Variants in SACS observed in about 807,000 individuals in gnomAD.
SACS encodes the protein sacsin.
SACS carries 197 observed loss-of-function variants against 348.0 expected under a neutral mutation model. The observed-to-expected ratio is 0.57, with a 90% CI of 0.50 to 0.64. The LOEUF (loss-of-function observed/expected upper bound fraction) is 0.64, where lower values mean the gene tolerates loss of function less well. Among genes scored for constraint, SACS ranks in the 30% least tolerant of loss-of-function variants. The pLI is 0.00. For synonymous variants in SACS, 1,985 were observed against 1,910.6 expected, an observed-to-expected ratio of 1.04 and a Z score of -1.02; for missense variants, 4,999 against 5,360.8, an observed-to-expected ratio of 0.93 and a Z score of 2.11.
At chr13:23,392,768 G>C (rs547064327) in intron 2 of SACS, among the ~76,000 whole-genome samples, 24 of 152,268 alleles carry the variant, frequency 1.6e-4, no homozygotes, top group Admixed American at 6.5e-4. Flanking sequence ...TGAGAGTTTT[G>C]TTTCATTCGG....
chr13:23,339,155 C>T lies in SACS; in HGVS notation c.4721G>A (p.Ser1574Asn). 1 of 1,612,118 alleles carries T rather than the reference C, an allele frequency of 6.2e-7. No individual in the cohort carries two copies. Among genetic ancestry groups the T allele is most frequent in the East Asian group, 2.2e-5 (1 of 44,832 alleles). The change falls in exon 10 of 10, where the codon AGT (serine) becomes AAT (asparagine). Residue 1574 changes from serine to asparagine, a missense_variant. Ser to Asn is a conservative substitution (Grantham distance 46, BLOSUM62 1). This residue lies in a region of SACS where 3,156 missense variants were observed against 3,380.1 expected (regional missense o/e 0.93). Coordinates refer to ENST00000382292, the MANE Select transcript of SACS (RefSeq NM_014363.6). ...YHITDIPIIMSREFMIMFDPN... is the reference protein window; with the variant it reads ...YHITDIPIIMNREFMIMFDPN... ...ATCGAACATTATCATGAATTCCCGACTCATAATGATGGGAATGTCAGTGAT... is the reference window on the plus strand; with the variant it reads ...ATCGAACATTATCATGAATTCCCGATTCATAATGATGGGAATGTCAGTGAT...
In SACS at chr13:23,330,556, C is replaced by G. The variant is rs759847087; in HGVS notation, c.13320G>C (p.Ser4440=). The G allele has an allele frequency of 6.2e-7, 1 of 1,613,888 alleles. No individual in the cohort carries two copies. The highest frequency in any genetic ancestry group is 2.2e-5 in the East Asian group (1 of 44,900). The change falls in exon 10 of 10, where the codon TCG becomes TCC. Residue 4440 remains serine, a synonymous_variant. Coordinates refer to ENST00000382292, the MANE Select transcript of SACS (RefSeq NM_014363.6). ...TGCGTGCTTCCACTGGATTGCCAAC[C>G]GACTTGAAAGTGGGAGGAACAAAGA... The part of the protein sequence containing the change: ...QRFFVPPTFK[S]VGNPVEARRW...
At position 23,367,633 on chromosome 13, in the gene SACS, T is replaced by A. The variant is rs983528109; in HGVS notation, c.345+769A>T. Reference sequence around the variant, plus strand: ...TTTTGAGACGGAGTGTGGCTCCTGCTGCCCAGGCTGGAGTGCAGTGGCGCA... The same window carrying A: ...TTTTGAGACGGAGTGTGGCTCCTGCAGCCCAGGCTGGAGTGCAGTGGCGCA... On this transcript the variant is annotated intron_variant, in intron 5 of 9. Coordinates refer to ENST00000382292, the MANE Select transcript of SACS (RefSeq NM_014363.6). Among the ~76,000 whole-genome samples, 5 of 152,226 alleles carry A rather than the reference T, an allele frequency of 3.3e-5. No individual in the cohort carries two copies. In the South Asian group the frequency reaches 1.0e-3, roughly 31 times the overall value.
At chr13:23,393,760 ATTTT>A (rs749913468) in intron 2 of SACS, among the ~76,000 whole-genome samples, 1 of 150,374 alleles carries the variant, frequency 6.7e-6, no homozygotes, top group African/African-American at 2.4e-5. Context: ...TCTTTTTTTT[ATTTT>A]TTTTTATTTT....
In SACS at chr13:23,335,744, G is replaced by A. The variant is rs1213203489; in HGVS notation, c.8132C>T (p.Ser2711Leu). The A allele has an allele frequency of 6.8e-6, 11 of 1,613,868 alleles. No individual in the cohort carries two copies. Among genetic ancestry groups the A allele is most frequent in the South Asian group, 2.2e-5 (2 of 91,082 alleles). ...PLRNAEMAKV[S>L]EISSVPASDR... ...TGATGCTGGAACAGACGAAATTTCC[G>A]AAACTTTTGCCATTTCTGCATTACG... Residue 2711 changes from serine (S) to leucine (L), a missense_variant, in exon 10 of 10, where the codon TCG becomes TTG. By Grantham distance (145) the Ser-to-Leu change is moderately radical. Around this residue, in one of 6 missense-constraint regions of SACS, gnomAD observed 3,156 missense variants for 3,380.1 expected, o/e 0.93. Coordinates refer to ENST00000382292, the MANE Select transcript of SACS (RefSeq NM_014363.6). The surrounding 1 kb of genome is among the most constrained non-coding windows in gnomAD (Gnocchi z 4.7).
intron 9 of SACS, among the ~76,000 whole-genome samples, chr13:23,344,641 C>T (rs1010453348): frequency 5.3e-5 from 8 of 152,202 alleles, no homozygotes; most frequent in African/African-American, 1.9e-4. Flanking sequence ...TAAAGCACCT[C>T]TAATAGGATC....
At chr13:23,383,406 C>T (rs1566095644) in intron 2 of SACS, among the ~76,000 whole-genome samples, 4 of 152,230 alleles carry the variant, frequency 2.6e-5, no homozygotes, top group South Asian at 4.2e-4. Context: ...ATTGTATAAT[C>T]GAGTGTGACT....
chr13:23,329,140 G>T lies in SACS; in HGVS notation c.*996C>A. 3.0e-6 allele frequency: 1 copy of T among 330,466 alleles called. No homozygotes were observed. Among genetic ancestry groups the T allele is most frequent in the Non-Finnish European group, 5.4e-6 (1 of 184,932 alleles). 20.5% of individuals were successfully genotyped at this position (330,466 alleles called of 1,614,324 possible). A position where few individuals can be genotyped will look rare whatever the true frequency, so the allele number is the denominator to read the frequency against. ...TAAATGTCAGTTCTGATCATTCATG[G>T]GGAAATATAAGCCGATAATTATAAA... On this transcript the variant is annotated 3_prime_UTR_variant, in exon 10 of 10. Transcript: ENST00000382292.
In SACS at chr13:23,375,565, T is replaced by C. The variant is rs1186365030; in HGVS notation, c.21-296A>G. On this transcript the variant is annotated intron_variant, in intron 2 of 9. Transcript: ENST00000382292. Reference sequence around the variant, plus strand: ...GCAGGCGGGGGCGGGGACTGCGCGCTCCCGGCCCACTCCCGGCCCTGCAGG... The same window carrying C: ...GCAGGCGGGGGCGGGGACTGCGCGCCCCCGGCCCACTCCCGGCCCTGCAGG... 12 of 1,032,766 alleles carry C rather than the reference T, an allele frequency of 1.2e-5. No homozygotes were observed. In the East Asian group the frequency reaches 7.4e-4, roughly 63 times the overall value. 64.0% of individuals were successfully genotyped at this position (1,032,766 alleles called of 1,614,324 possible).
At chr13:23,386,049 T>G (rs1872280365) in intron 2 of SACS, among the ~76,000 whole-genome samples, 1 of 152,368 alleles carries the variant, frequency 6.6e-6, no homozygotes, top group Non-Finnish European at 1.5e-5. Context: ...GTTCCATTTA[T>G]AGAGCACATG....
chr13:23,413,081 G>A (rs188333615), intron 1 of SACS, among the ~76,000 whole-genome samples: 11 of 152,112 alleles, frequency 7.2e-5, no homozygotes, highest in Admixed American at 4.6e-4. Flanking sequence ...GGGTTCAATC[G>A]ATCCTCCAGC....
Position 23,341,558 on chromosome 13 carries a change from T to C in SACS, c.2318A>G (p.His773Arg). 1.2e-6 allele frequency: 2 copies of C among 1,614,070 alleles called. No individual in the cohort carries two copies. The highest frequency in any genetic ancestry group is 1.7e-6 in the Non-Finnish European group (2 of 1,180,000). Residue 773 changes from histidine (H) to arginine (R), a missense_variant, in exon 10 of 10, where the codon CAC becomes CGC. By Grantham distance (29) the His-to-Arg change is conservative. Around this residue, in one of 6 missense-constraint regions of SACS, gnomAD observed 3,156 missense variants for 3,380.1 expected, o/e 0.93. Transcript: ENST00000382292. ...CATCTTAAGCCATGAAACAGATGGG[T>C]GATTTCTGTTTTCATCAAATGGATA... is the stretch of plus-strand genomic sequence containing the variant. ...QWYPFDENRN[H>R]PSVSWLKMVW... is the part of the protein sequence containing the mutation.
intron 3 of SACS, among the ~76,000 whole-genome samples, chr13:23,371,705 T>C (rs1291556633): frequency 6.6e-6 from 1 of 152,154 alleles, no homozygotes; most frequent in Non-Finnish European, 1.5e-5. Flanking sequence ...CACAAACATA[T>C]ATGCACATAT....
chr13:23,373,782 C>A (rs1593159818), intron 3 of SACS: 1 of 119,020 alleles, frequency 8.4e-6, no homozygotes, highest in East Asian at 2.4e-4. Flanking sequence ...GGCGACAGAG[C>A]GAGACTCCGT....
chr13:23,407,162 A>G (rs2137948096), intron 2 of SACS, among the ~76,000 whole-genome samples: 1 of 152,310 alleles, frequency 6.6e-6, no homozygotes, highest in Non-Finnish European at 1.5e-5. Flanking sequence ...AACTGAGTTT[A>G]CAGTCTGCTC....
intron 2 of SACS, among the ~76,000 whole-genome samples, chr13:23,402,367 A>G (rs9510721): frequency 0.091 from 13,824 of 152,232 alleles, 677 homozygotes; most frequent in East Asian, 0.13. Flanking sequence ...TAAGCTATCT[A>G]TAACAGTTAA....
In SACS at chr13:23,355,262, T is replaced by C; in HGVS notation, c.1350A>G (p.Leu450=). Residue 450 remains leucine, a synonymous_variant, in exon 8 of 10, where the codon TTA becomes TTG. Coordinates refer to ENST00000382292, the MANE Select transcript of SACS (RefSeq NM_014363.6). ...CTGTGCTGCTTTCCTCACCAGGTGG[T>C]AAAGGAAGGAAACAAAATGCTTTTC... ...FSGKAFCFLP[L]PPGEESSTGL... 6.2e-7 allele frequency: 1 copy of C among 1,614,182 alleles called. No individual in the cohort carries two copies. Among genetic ancestry groups the C allele is most frequent in the Non-Finnish European group, 8.5e-7 (1 of 1,180,036 alleles).
At chr13:23,402,397 C>A (rs1173657578) in intron 2 of SACS, among the ~76,000 whole-genome samples, 2 of 152,190 alleles carry the variant, frequency 1.3e-5, no homozygotes, top group Non-Finnish European at 2.9e-5. Context: ...AATTCACAAT[C>A]TATACCATGC....
rs754293420 is a variant in SACS, at chr13:23,331,590, T to C, written c.12286A>G (p.Ile4096Val). 23 of 1,613,860 alleles carry C rather than the reference T, an allele frequency of 1.4e-5. No homozygotes were observed. Among genetic ancestry groups the C allele is most frequent in the Non-Finnish European group, 1.9e-5 (22 of 1,179,934 alleles). ...ATTGCCAATGCTAACAGGAAATTAA[T>C]GTCTTTACTGTCTGAATGTTGAATG... Reference protein sequence around the residue: ...LYIQHSDSKDINFLLALAMTL... With the variant: ...LYIQHSDSKDVNFLLALAMTL... The change falls in exon 10 of 10, where the codon ATT (isoleucine) becomes GTT (valine). Residue 4096 changes from isoleucine to valine, a missense_variant. By Grantham distance (29) the Ile-to-Val change is conservative. Coordinates refer to ENST00000382292, the MANE Select transcript of SACS (RefSeq NM_014363.6).
Sources: gnomAD v4.1 joint callset for allele counts (sites outside exome capture counted in the v4.1 genomes callset) on GRCh38, gnomAD v4.1.1 for gene constraint, gnomAD v4.1.1 regional missense constraint, Gnocchi (gnomAD v3.1) non-coding constraint, MANE v1.5 for transcripts, NCBI Gene and HGNC (gene_info 2026-07-23, HGNC 2026-07-21) for gene names.